Variants in ITGB6 observed in about 807,000 individuals in gnomAD.
ITGB6 encodes the protein integrin subunit beta 6, also known as integrin beta-6.
Under a neutral mutation model 84.5 loss-of-function variants are expected in ITGB6, and 80 were observed. The observed-to-expected ratio is 0.95, with a 90% confidence interval of 0.79 to 1.14. The LOEUF (loss-of-function observed/expected upper bound fraction) is 1.14. Ranked by LOEUF, ITGB6 falls within the 50% of genes most tolerant of loss-of-function variation. ITGB6 has a pLI of 0.00. For missense variants in ITGB6, 1,006 were observed against 968.0 expected (o/e 1.04, Z -0.52); for synonymous variants, 383 against 354.9 (o/e 1.08, Z -0.89).
intron 4 of ITGB6, among the ~76,000 whole-genome samples, chr2:160,193,146 G>A (rs1167460588): frequency 1.3e-5 from 2 of 152,124 alleles, no homozygotes; most frequent in Non-Finnish European, 2.9e-5. Context: ...TCAAAGAGAA[G>A]TAAAAGTATA....
intron 7 of ITGB6, among the ~76,000 whole-genome samples, chr2:160,142,936 A>G (rs920895617): frequency 2.0e-5 from 3 of 152,250 alleles, no homozygotes; most frequent in African/African-American, 7.2e-5. Flanking sequence ...TCTTAAACAA[A>G]GATTCCCCAA....
intron 12 of ITGB6, among the ~76,000 whole-genome samples, chr2:160,120,866 A>T (rs13014005): frequency 2.1e-5 from 3 of 142,490 alleles, no homozygotes; most frequent in South Asian, 2.5e-4. Context: ...AACAATGAGA[A>T]CACATGGACA....
intron 14 of ITGB6, 68 bp downstream of exon 14, chr2:160,107,611 A>G: frequency 7.1e-7 from 1 of 1,400,644 alleles, no homozygotes; most frequent in Non-Finnish European, 1.0e-6. Context: ...AAGAAAGCTG[A>G]GCCCCTCAAT....
intron 12 of ITGB6, among the ~76,000 whole-genome samples, chr2:160,121,776 A>G (rs75600854): frequency 1.9e-4 from 11 of 57,648 alleles, no homozygotes; most frequent in African/African-American, 5.6e-4. Flanking sequence ...TCAAAAAAAA[A>G]GAAAAAAAAA....
intron 6 of ITGB6, 107 bp downstream of exon 6, chr2:160,172,462 G>A (rs1156882840): frequency 1.2e-5 from 13 of 1,082,104 alleles, no homozygotes; most frequent in Non-Finnish European, 1.7e-5. Flanking sequence ...ATTAGAAAAT[G>A]TGCACTGCTT....
At chr2:160,142,323 G>A (rs545989454) in intron 7 of ITGB6, among the ~76,000 whole-genome samples, 1 of 152,304 alleles carries the variant, frequency 6.6e-6, no homozygotes, top group Non-Finnish European at 1.5e-5. Context: ...GTCTAAGGCT[G>A]TGATTTTTGT....
rs111500869 is a variant in ITGB6 at position 160,129,926 on chromosome 2, G to GTA, written c.1661-3327_1661-3326dup. ...TATATGTATATATATATGTGTGTGT[G>GTA]TATATATATATGTATATGTGTGTAT... On this transcript the variant is annotated intron_variant, in intron 10 of 14. Coordinates refer to ENST00000283249, the MANE Select transcript of ITGB6 (RefSeq NM_000888.5). Among the ~76,000 whole-genome samples the GTA allele has an allele frequency of 4.6e-3, 701 of 151,930 alleles. 5 individuals carry two copies. The highest frequency in any genetic ancestry group is 0.016 in the African/African-American group (645 of 41,400).
In ITGB6 at chr2:160,195,411, G is replaced by C; in HGVS notation, c.551C>G (p.Pro184Arg). 2 of 1,614,180 alleles carry C rather than the reference G, an allele frequency of 1.2e-6. No homozygotes were observed. The highest frequency in any genetic ancestry group is 4.5e-5 in the East Asian group (2 of 44,884). Residue 184 changes from proline (P) to arginine (R), a missense_variant, in exon 4 of 15, where the codon CCT becomes CGT. Coordinates refer to ENST00000283249, the MANE Select transcript of ITGB6 (RefSeq NM_000888.5). ...FGSFVEKPVS[P>R]FVKTTPEEIA... ...TTCTTCTGGTGTTGTTTTCACAAAAGGGGATACAGGTTTTTCCACAAAAGA... is the reference window on the plus strand; with the variant it reads ...TTCTTCTGGTGTTGTTTTCACAAAACGGGATACAGGTTTTTCCACAAAAGA...
chr2:160,188,576 A>G (rs1234945572), intron 4 of ITGB6, among the ~76,000 whole-genome samples: 2 of 151,736 alleles, frequency 1.3e-5, no homozygotes, highest in African/African-American at 4.8e-5. Context: ...GCCCAATGCC[A>G]AATGCTTTTA....
intron 9 of ITGB6, 81 bp downstream of exon 9, chr2:160,137,984 A>G (rs1683826885): frequency 6.5e-7 from 1 of 1,536,276 alleles, no homozygotes; most frequent in Admixed American, 2.0e-5. Flanking sequence ...AATTCTTGAA[A>G]GAAATCCAGC....
In ITGB6 at chr2:160,199,993, C is replaced by T. The variant is rs1574156484; in HGVS notation, c.61+10G>A. The T allele has an allele frequency of 6.2e-7, 1 of 1,606,732 alleles. No homozygotes were observed. The highest frequency in any genetic ancestry group is 1.3e-5 in the African/African-American group (1 of 74,798). On this transcript the variant is annotated intron_variant, in intron 1 of 14. Coordinates refer to ENST00000283249, the MANE Select transcript of ITGB6 (RefSeq NM_000888.5). ...CACGAAAGTAATATATCAGAGAACG[C>T]AGGTCTTACCTTGTACGTGATCATT...
At position 160,174,140 on chromosome 2, in the gene ITGB6, C is replaced by T. The variant is rs753540831; in HGVS notation, c.594-1G>A. On this transcript the variant is annotated splice_acceptor_variant, in intron 4 of 14. Transcript: ENST00000283249. LOFTEE classifies it high-confidence loss of function. ...AGGTAAACAGAAGTATGGAATACTA[C>T]TGCAAAAGTAAGATGCAAAAATACT... The T allele has an allele frequency of 4.4e-6, 7 of 1,594,164 alleles. No homozygotes were observed. In the South Asian group the frequency reaches 5.7e-5, roughly 13 times the overall value.
rs761615701 is a variant in ITGB6, at chr2:160,200,115, G to A, written c.-52C>T. 4 of 1,428,898 alleles carry A rather than the reference G, an allele frequency of 2.8e-6. No individual in the cohort carries two copies. The highest frequency in any genetic ancestry group is 1.2e-5 in the South Asian group (1 of 86,364). 88.5% of individuals were successfully genotyped at this position (1,428,898 alleles called of 1,614,324 possible). On this transcript the variant is annotated 5_prime_UTR_variant, in exon 1 of 15. In the 5' UTR this introduces an upstream ATG that the reference lacks. Coordinates refer to ENST00000283249, the MANE Select transcript of ITGB6 (RefSeq NM_000888.5). ...GATTAAAAAATGAATTACCTTCAGC[G>A]TTACAAGACCAACGCTGAATATCGT...
chr2:160,140,274 C>A (rs1478867005), intron 8 of ITGB6, among the ~76,000 whole-genome samples: 1 of 152,148 alleles, frequency 6.6e-6, no homozygotes, highest in African/African-American at 2.4e-5. Context: ...ATAGACACTT[C>A]TTAGTATTTC....
At chr2:160,117,566 A>T (rs1218044443) in intron 12 of ITGB6, among the ~76,000 whole-genome samples, 1 of 152,248 alleles carries the variant, frequency 6.6e-6, no homozygotes, top group Admixed American at 6.5e-5. Context: ...AAAGCAGGAA[A>T]GATCCAAAAC....
chr2:160,103,975 C>T (rs753648219), intron 14 of ITGB6, among the ~76,000 whole-genome samples: 9 of 152,146 alleles, frequency 5.9e-5, no homozygotes, highest in Non-Finnish European at 2.9e-5. Flanking sequence ...GAGGAGGTGA[C>T]TTGAATTGCA....
Position 160,142,037 on chromosome 2 carries a change from C to A in ITGB6, c.1052G>T (p.Gly351Val). The A allele has an allele frequency of 6.2e-7, 1 of 1,608,338 alleles. No individual in the cohort carries two copies. The highest frequency in any genetic ancestry group is 8.5e-7 in the Non-Finnish European group (1 of 1,176,316). ...GTTTCCGGAGTCCTTCTGAAGTAGA[C>A]CTACTGTAGCTCCAGGAATAAGTTT... is the stretch of plus-strand genomic sequence containing the variant. Reference protein sequence around the residue: ...YAKLIPGATVGLLQKDSGNIL... With the variant: ...YAKLIPGATVVLLQKDSGNIL... Residue 351 changes from glycine (G) to valine (V), a missense_variant, in exon 8 of 15, where the codon GGT becomes GTT. Gly to Val is a moderately radical substitution (Grantham distance 109). Coordinates refer to ENST00000283249, the MANE Select transcript of ITGB6 (RefSeq NM_000888.5).
intron 12 of ITGB6, among the ~76,000 whole-genome samples, chr2:160,121,546 A>T (rs1283386457): frequency 6.6e-6 from 1 of 152,186 alleles, no homozygotes; most frequent in Non-Finnish European, 1.5e-5. Flanking sequence ...GCAATTTGGG[A>T]GGCTGAGGCG....
intron 13 of ITGB6, 59 bp from the exon 14 acceptor site, chr2:160,107,904 G>C: frequency 7.1e-7 from 1 of 1,398,928 alleles, no homozygotes; most frequent in Non-Finnish European, 9.8e-7. Context: ...ACATCGGAAA[G>C]GCATTTCTTG....
Sources: gnomAD v4.1 joint callset for allele counts (sites outside exome capture counted in the v4.1 genomes callset) on GRCh38, gnomAD v4.1.1 for gene constraint, MANE v1.5 for transcripts, NCBI Gene and HGNC (gene_info 2026-07-23, HGNC 2026-07-21) for gene names.